The following PTPRM variants were observed in gnomAD, a reference collection of about 807,000 sequenced individuals.
PTPRM encodes protein tyrosine phosphatase receptor type M.
In PTPRM, 47 loss-of-function variants were observed where a neutral mutation model predicts 186.7. The observed-to-expected ratio is 0.25, with a 90% CI of 0.20 to 0.32. PTPRM has a LOEUF of 0.32. Among genes scored for constraint, PTPRM ranks in the 10% least tolerant of loss-of-function variants. The pLI is 1.00. For synonymous variants in PTPRM, 668 were observed against 674.9 expected (o/e 0.99, Z 0.16); for missense variants, 1,494 against 1,865.0 (o/e 0.80, Z 3.66).
intron 31 of PTPRM, among the ~76,000 whole-genome samples, chr18:8,390,791 A>G (rs547226684): frequency 6.6e-6 from 1 of 152,168 alleles, no homozygotes; most frequent in African/African-American, 2.4e-5. Flanking sequence ...AGCCGGGCGC[A>G]GTGGCAGGTG....
chr18:7,801,622 A>G (rs1312747273), intron 2 of PTPRM, among the ~76,000 whole-genome samples: 1 of 152,210 alleles, frequency 6.6e-6, no homozygotes, highest in African/African-American at 2.4e-5. Context: ...TATTACCTTT[A>G]TCAAGTATTA....
rs114561160 is a variant in PTPRM at position 8,209,341 on chromosome 18, C to T, written c.2301-34717C>T. Among the ~76,000 whole-genome samples the T allele has an allele frequency of 3.7e-3, 556 of 152,108 alleles. 6 individuals carry two copies. The highest frequency in any genetic ancestry group is 0.013 in the African/African-American group (522 of 41,464). ...AGGAGAGAGATGGGTGGGTTTCAGA[C>T]GTATTTTCAAGGTAGGACCAACAGG... On this transcript the variant is annotated intron_variant, in intron 14 of 32. Transcript: ENST00000580170.
chr18:8,370,836 G>A, intron 23 of PTPRM, 54 bp from the exon 24 acceptor site: 1 of 1,067,764 alleles, frequency 9.4e-7, no homozygotes, highest in Non-Finnish European at 1.4e-6. Flanking sequence ...ATCATGGGAG[G>A]AACTCCAAAA....
At chr18:7,871,420 A>G (rs555622160) in intron 2 of PTPRM, among the ~76,000 whole-genome samples, 11 of 152,272 alleles carry the variant, frequency 7.2e-5, no homozygotes, top group African/African-American at 2.4e-4. Flanking sequence ...TCACTTTGGC[A>G]TTTGAATATG....
intron 2 of PTPRM, among the ~76,000 whole-genome samples, chr18:7,851,849 A>G (rs1292067915): frequency 6.6e-6 from 1 of 152,174 alleles, no homozygotes; most frequent in Non-Finnish European, 1.5e-5. Context: ...TGGGTCTCAC[A>G]TAGAGATTTA....
intron 7 of PTPRM, among the ~76,000 whole-genome samples, chr18:7,986,915 A>T (rs1308725330): frequency 6.6e-6 from 1 of 152,206 alleles, no homozygotes; most frequent in Non-Finnish European, 1.5e-5. Flanking sequence ...GGCATTGTAC[A>T]GAGAGAAGAC....
intron 25 of PTPRM, 77 bp downstream of exon 25, chr18:8,376,277 A>G: frequency 1.3e-6 from 2 of 1,565,112 alleles, no homozygotes; most frequent in Non-Finnish European, 8.7e-7. Context: ...GATGATGAGT[A>G]TGTTTTAGAA....
At chr18:7,965,904 A>G (rs2054010883) in intron 7 of PTPRM, among the ~76,000 whole-genome samples, 1 of 152,174 alleles carries the variant, frequency 6.6e-6, no homozygotes, top group African/African-American at 2.4e-5. Flanking sequence ...TCTGGCCTCC[A>G]GTTAGGACTT....
chr18:7,929,652 G>A (rs549753981), intron 5 of PTPRM, among the ~76,000 whole-genome samples: 15 of 152,332 alleles, frequency 9.8e-5, no homozygotes, highest in Non-Finnish European at 1.5e-4. Context: ...AATAAGACCC[G>A]TGTCCTTCAC....
chr18:8,360,016 G>A (rs1304789465), intron 23 of PTPRM, among the ~76,000 whole-genome samples: 1 of 152,150 alleles, frequency 6.6e-6, no homozygotes, highest in Non-Finnish European at 1.5e-5. Flanking sequence ...GCTTAGGGTT[G>A]TCTGGCCACA....
At chr18:8,041,613 A>G (rs75493370) in intron 7 of PTPRM, among the ~76,000 whole-genome samples, 11,034 of 152,274 alleles carry the variant, frequency 0.072, 516 homozygotes, top group Middle Eastern at 0.27. Context: ...CCATACTATG[A>G]TTAAGTCCAC....
intron 1 of PTPRM, among the ~76,000 whole-genome samples, chr18:7,689,987 C>T (rs1417531030): frequency 6.6e-6 from 1 of 152,100 alleles, no homozygotes; most frequent in Admixed American, 6.5e-5. Context: ...TATAAAGAGA[C>T]TACTGTATGG....
chr18:8,123,262 G>A (rs1328773327), intron 13 of PTPRM, among the ~76,000 whole-genome samples: 1 of 152,196 alleles, frequency 6.6e-6, no homozygotes, highest in Non-Finnish European at 1.5e-5. Context: ...TGAAAGCCAA[G>A]TAAGAAGCAG....
intron 13 of PTPRM, among the ~76,000 whole-genome samples, chr18:8,121,289 TC>T (rs2092162459): frequency 6.6e-6 from 1 of 152,226 alleles, no homozygotes; most frequent in Non-Finnish European, 1.5e-5. Flanking sequence ...TGGTAGATGA[TC>T]TATTTTCCTT....
intron 4 of PTPRM, 70 bp downstream of exon 4, chr18:7,906,653 A>G: frequency 2.4e-6 from 3 of 1,264,084 alleles, no homozygotes; most frequent in Non-Finnish European, 2.3e-6. Flanking sequence ...AATGAAGAGA[A>G]GGGATGAAAA....
chr18:7,623,984 G>T (rs935523228), intron 1 of PTPRM, among the ~76,000 whole-genome samples: 2 of 152,154 alleles, frequency 1.3e-5, no homozygotes, highest in African/African-American at 2.4e-5. Flanking sequence ...AGAAAATCAT[G>T]CAGGGGGTGG....
intron 10 of PTPRM, among the ~76,000 whole-genome samples, chr18:8,088,321 A>T (rs1365454221): frequency 2.0e-5 from 3 of 152,182 alleles, no homozygotes; most frequent in African/African-American, 7.2e-5. Context: ...CTTGATTTAG[A>T]TGGAATAACT....
chr18:8,287,415 G>A (rs951637418), intron 19 of PTPRM, among the ~76,000 whole-genome samples: 1 of 152,164 alleles, frequency 6.6e-6, no homozygotes, highest in Non-Finnish European at 1.5e-5. Context: ...TTTTCAAATA[G>A]GAAAGTGACA....
rs1250224605 is a variant in PTPRM at position 8,085,694 on chromosome 18, C to T, written c.1575C>T (p.Ser525=). The change falls in exon 10 of 33, where the codon TCC becomes TCT. Residue 525 remains serine, a synonymous_variant. Coordinates refer to ENST00000580170, the MANE Select transcript of PTPRM (RefSeq NM_001105244.2). ...LYEITYKAVS[S]FDPEIDLSNQ... The stretch of plus-strand genomic sequence containing the variant: ...AGATCACCTACAAAGCAGTCAGTTC[C>T]TTTGACCCAGAAATAGATTTATCCA... 1.9e-6 allele frequency: 3 copies of T among 1,608,610 alleles called. No individual in the cohort carries two copies. Among genetic ancestry groups the T allele is most frequent in the Admixed American group, 3.3e-5 (2 of 59,946 alleles).
Sources: gnomAD v4.1 joint callset for allele counts (sites outside exome capture counted in the v4.1 genomes callset) on GRCh38, gnomAD v4.1.1 for gene constraint, MANE v1.5 for transcripts, NCBI Gene and HGNC (gene_info 2026-07-23, HGNC 2026-07-21) for gene names.